CDH4: variants seen among roughly 807,000 people sequenced by gnomAD.
CDH4 encodes cadherin 4, also known as cadherin-4.
A neutral mutation model predicts 86.0 loss-of-function variants in CDH4; 33 were observed. That is an observed-to-expected ratio of 0.38 (90% CI 0.29 to 0.51). The LOEUF is 0.51. Among genes scored for constraint, CDH4 ranks in the 20% least tolerant of loss-of-function variants. The pLI is 0.86. For synonymous variants in CDH4, 555 were observed against 549.4 expected, an observed-to-expected ratio of 1.01 and a Z score of -0.14; for missense variants, 1,114 against 1,307.4, an observed-to-expected ratio of 0.85 and a Z score of 2.28.
At chr20:61,743,510 A>G in intron 2 of CDH4, 53 bp from the exon 3 acceptor site, 1 of 1,407,124 alleles carries the variant, frequency 7.1e-7, no homozygotes, top group South Asian at 1.2e-5. Flanking sequence ...TGCCATTGTT[A>G]CCGCCCTTCT....
chr20:61,637,025 GGGTCCATTCGGGGGCAGGC>G (rs1377621861), intron 2 of CDH4, among the ~76,000 whole-genome samples: 3 of 152,184 alleles, frequency 2.0e-5, no homozygotes, highest in Admixed American at 6.5e-5. Context: ...AAAGGTTCCT[GGGTCCATTCGGGGGCAGGC>G]AGGGGAGCCT....
At chr20:61,922,765 T>C (rs2054995705) in intron 9 of CDH4, among the ~76,000 whole-genome samples, 1 of 152,124 alleles carries the variant, frequency 6.6e-6, no homozygotes, top group Admixed American at 6.5e-5. Flanking sequence ...TTTCTCTCTG[T>C]TTTGAAATTT....
chr20:61,804,932 C>T (rs978384715), intron 4 of CDH4, among the ~76,000 whole-genome samples: 1 of 152,176 alleles, frequency 6.6e-6, no homozygotes, highest in African/African-American at 2.4e-5. Flanking sequence ...AGGATCTAGG[C>T]GCTCAGACAA....
At chr20:61,793,333 A>G (rs1979315381) in intron 4 of CDH4, among the ~76,000 whole-genome samples, 1 of 152,164 alleles carries the variant, frequency 6.6e-6, no homozygotes, top group South Asian at 2.1e-4. Context: ...TTGGCGACAA[A>G]AAAAACAACT....
chr20:61,534,336 C>G (rs535315632), intron 2 of CDH4, among the ~76,000 whole-genome samples: 12 of 152,244 alleles, frequency 7.9e-5, no homozygotes, highest in African/African-American at 2.9e-4. Flanking sequence ...AACGACCACA[C>G]GGGGCAGGAG....
At chr20:61,621,557 T>C (rs922121977) in intron 2 of CDH4, among the ~76,000 whole-genome samples, 3 of 152,180 alleles carry the variant, frequency 2.0e-5, no homozygotes, top group Admixed American at 2.0e-4. Flanking sequence ...AGGGCTTTCA[T>C]CACCGTCCTT....
At chr20:61,839,151 T>A (rs1270406194) in intron 4 of CDH4, among the ~76,000 whole-genome samples, 5 of 152,220 alleles carry the variant, frequency 3.3e-5, no homozygotes, top group Non-Finnish European at 7.3e-5. Context: ...AAGAACTTGA[T>A]CCAGGAGATT....
chr20:61,448,534 C>T (rs1237774068), intron 2 of CDH4, among the ~76,000 whole-genome samples: 1 of 152,062 alleles, frequency 6.6e-6, no homozygotes, highest in East Asian at 1.9e-4. Flanking sequence ...AAAATACACA[C>T]ATTGTGCTCT....
intron 2 of CDH4, among the ~76,000 whole-genome samples, chr20:61,451,691 G>T (rs907962072): frequency 1.3e-5 from 2 of 151,942 alleles, no homozygotes; most frequent in Non-Finnish European, 2.9e-5. Flanking sequence ...GCACTAAAGA[G>T]AGGAGAGGGG....
chr20:61,298,160 C>A (rs368115899), intron 2 of CDH4, among the ~76,000 whole-genome samples: 9 of 152,206 alleles, frequency 5.9e-5, no homozygotes, highest in African/African-American at 2.2e-4. Flanking sequence ...CAGAGCTGAC[C>A]TGGCAGGGAG....
At chr20:61,895,556 C>T (rs1023233838) in intron 8 of CDH4, among the ~76,000 whole-genome samples, 12 of 152,200 alleles carry the variant, frequency 7.9e-5, no homozygotes, top group Admixed American at 5.9e-4. Context: ...GTGTGAGCCC[C>T]GAGCCCCTAG....
chr20:61,763,431 C>T (rs2145972874), intron 3 of CDH4, among the ~76,000 whole-genome samples: 1 of 152,334 alleles, frequency 6.6e-6, no homozygotes, highest in East Asian at 1.9e-4. Context: ...ATCTGTGCCT[C>T]TGGGAGGCAT....
Position 61,386,681 on chromosome 20 carries a change from G to T in CDH4, c.169+131744G>T, listed in dbSNP as rs572843866. Among the ~76,000 whole-genome samples the T allele has an allele frequency of 7.8e-4, 119 of 152,360 alleles. 1 individual carries two copies. Among genetic ancestry groups the T allele is most frequent in the African/African-American group, 2.8e-3 (116 of 41,588 alleles). On this transcript the variant is annotated intron_variant, in intron 2 of 15. Transcript: ENST00000614565. ...GTTATGTTCCCCTGGGGGTGACGGT[G>T]TCTTCTCATCGGATTGTTTCAGGGT... is the stretch of plus-strand genomic sequence containing the variant.
chr20:61,265,706 CG>C (rs759880764), intron 2 of CDH4, among the ~76,000 whole-genome samples: 2 of 152,228 alleles, frequency 1.3e-5, no homozygotes, highest in Non-Finnish European at 2.9e-5. Context: ...CTCAGTGGTT[CG>C]GGGTGGCATC....
At chr20:61,809,800 A>G (rs138634901) in intron 4 of CDH4, among the ~76,000 whole-genome samples, 10 of 152,298 alleles carry the variant, frequency 6.6e-5, no homozygotes, top group Non-Finnish European at 1.3e-4. Context: ...AAATGTTACA[A>G]CCAACAAGTA....
At chr20:61,376,515 G>A (rs934885263) in intron 2 of CDH4, among the ~76,000 whole-genome samples, 1 of 152,184 alleles carries the variant, frequency 6.6e-6, no homozygotes, top group South Asian at 2.1e-4. Context: ...AGAGGGACAT[G>A]GTGAGGAGGC....
At chr20:61,621,109 C>T (rs1004921311) in intron 2 of CDH4, among the ~76,000 whole-genome samples, 10 of 152,184 alleles carry the variant, frequency 6.6e-5, no homozygotes, top group Admixed American at 2.0e-4. Flanking sequence ...AAGATGGCGC[C>T]GTCAGTATTT....
chr20:61,670,741 A>G (rs551282777), intron 2 of CDH4, among the ~76,000 whole-genome samples: 1 of 152,208 alleles, frequency 6.6e-6, no homozygotes, highest in Non-Finnish European at 1.5e-5. Flanking sequence ...GGTGGGGCCC[A>G]GGGTGTCAAC....
In CDH4 at chr20:61,652,934, A is replaced by ATTTTTTTTTTTTTTTTTTTT. The variant is rs1378064808; in HGVS notation, c.170-90626_170-90625insTTTTTTTTTTTTTTTTTTTT. Among the ~76,000 whole-genome samples, 117 of 102,910 alleles carry ATTTTTTTTTTTTTTTTTTTT rather than the reference A, an allele frequency of 1.1e-3. 4 individuals are homozygous for ATTTTTTTTTTTTTTTTTTTT. Among genetic ancestry groups the ATTTTTTTTTTTTTTTTTTTT allele is most frequent in the Non-Finnish European group, 1.6e-3 (72 of 44,382 alleles). The allele number at this position is 102,910 out of a possible 152,430, so 67.5% of individuals were successfully genotyped here. A position where few individuals can be genotyped will look rare whatever the true frequency, so the allele number is the denominator to read the frequency against. ...AGTGTTTGAATTTATTTATTTATTT[A>ATTTTTTTTTTTTTTTTTTTT]TTTATTTTTTTTTTTTTTTTTATTG... On this transcript the variant is annotated intron_variant, in intron 2 of 15. Transcript: ENST00000614565.
Sources: allele counts gnomAD v4.1 joint callset (sites outside exome capture counted in the v4.1 genomes callset), GRCh38; gene constraint gnomAD v4.1.1; transcripts MANE v1.5; gene names NCBI Gene and HGNC (gene_info 2026-07-23, HGNC 2026-07-21).